NOX4: variants seen among roughly 807,000 people sequenced by gnomAD.
NOX4 encodes the protein kidney oxidase-1.
NOX4 carries 69 observed loss-of-function variants against 87.6 expected under a neutral mutation model. That is an observed-to-expected ratio of 0.79 (90% CI 0.65 to 0.96). The LOEUF is 0.96. Among genes scored for constraint, NOX4 ranks in the 40% least tolerant of loss-of-function variants. The pLI, the probability that NOX4 is intolerant of heterozygous loss-of-function variation, is 0.00. For synonymous variants in NOX4, 275 were observed against 238.2 expected (o/e 1.15, Z -1.42); for missense variants, 680 against 681.5 (o/e 1.00, Z 0.02).
intron 11 of NOX4, among the ~76,000 whole-genome samples, chr11:89,397,800 C>T (rs907573765): frequency 6.6e-6 from 1 of 151,832 alleles, no homozygotes; most frequent in Non-Finnish European, 1.5e-5. Context: ...CAATAACAGG[C>T]TCTGAAATTG....
the NOX4 span, among the ~76,000 whole-genome samples, chr11:89,537,008 G>A: frequency 6.6e-6 from 1 of 152,142 alleles, no homozygotes; most frequent in African/African-American, 2.4e-5. Flanking sequence ...ACACAAATGG[G>A]ATTATGCCCA....
chr11:89,341,508 C>T lies in NOX4; in HGVS notation c.1337+566G>A, dbSNP rs554371276. 3.7e-4 allele frequency among the ~76,000 whole-genome samples: 56 copies of T among 152,310 alleles called. 1 individual carries two copies. In the South Asian group the frequency reaches 0.012, roughly 32 times the overall value. Reference sequence around the variant, plus strand: ...AAGGAATGATGTGTTCAGTTGTCATCTCAGAAAAGCCTGACCATACTTCAA... The same window carrying T: ...AAGGAATGATGTGTTCAGTTGTCATTTCAGAAAAGCCTGACCATACTTCAA... On this transcript the variant is annotated intron_variant, in intron 14 of 17. Coordinates refer to ENST00000263317, the MANE Select transcript of NOX4 (RefSeq NM_016931.5).
chr11:89,555,416 T>C, the NOX4 span, among the ~76,000 whole-genome samples: 1 of 152,098 alleles, frequency 6.6e-6, no homozygotes, highest in Non-Finnish European at 1.5e-5. Context: ...ACCCGGGATG[T>C]TGAGGCTGCA....
chr11:89,511,630 A>G, the NOX4 span, among the ~76,000 whole-genome samples: 1 of 151,996 alleles, frequency 6.6e-6, no homozygotes, highest in Non-Finnish European at 1.5e-5. Flanking sequence ...GAAATAGTCT[A>G]TTTCCTCTTT....
intron 2 of NOX4, among the ~76,000 whole-genome samples, chr11:89,476,924 A>T (rs987490843): frequency 6.6e-6 from 1 of 152,200 alleles, no homozygotes; most frequent in Non-Finnish European, 1.5e-5. Context: ...ATACATATAC[A>T]TAAAACACCG....
the NOX4 span, among the ~76,000 whole-genome samples, chr11:89,507,946 C>T: frequency 6.6e-6 from 1 of 151,926 alleles, no homozygotes; most frequent in Non-Finnish European, 1.5e-5. Context: ...TAGCCAAATA[C>T]TCTCTCAGCT....
chr11:89,421,092 T>C (rs79859137), intron 8 of NOX4, among the ~76,000 whole-genome samples: 5,444 of 152,192 alleles, frequency 0.036, 315 homozygotes, highest in African/African-American at 0.12. Flanking sequence ...AATATAGGGA[T>C]TTCTACTTAA....
chr11:89,577,788 G>T, the NOX4 span: 5 of 151,926 alleles, frequency 3.3e-5, no homozygotes, highest in African/African-American at 9.7e-5. Flanking sequence ...ATTAATGAAA[G>T]AATTCATATG....
chr11:89,515,241 G>C, the NOX4 span, among the ~76,000 whole-genome samples: 1 of 151,934 alleles, frequency 6.6e-6, no homozygotes, highest in Non-Finnish European at 1.5e-5. Flanking sequence ...AAGTGTATGA[G>C]AGTTCCATTT....
At chr11:89,541,194 T>C in the NOX4 span, among the ~76,000 whole-genome samples, 2 of 152,208 alleles carry the variant, frequency 1.3e-5, no homozygotes, top group Non-Finnish European at 2.9e-5. Context: ...TATAGAAAGT[T>C]AGAAGAAGCA....
At chr11:89,404,884 GGTAA>G (rs1697062252) in intron 8 of NOX4, among the ~76,000 whole-genome samples, 1 of 151,934 alleles carries the variant, frequency 6.6e-6, no homozygotes, top group South Asian at 2.1e-4. Context: ...AATCATACAA[GGTAA>G]GTGTTTTTAT....
chr11:89,395,375 C>T (rs1941407780), intron 11 of NOX4, among the ~76,000 whole-genome samples: 3 of 151,862 alleles, frequency 2.0e-5, no homozygotes, highest in Admixed American at 2.0e-4. Context: ...GTAAATGTGT[C>T]TAAGTTCTTT....
chr11:89,400,072 G>C lies in NOX4; in HGVS notation c.1019C>G (p.Thr340Ser). 2 of 1,603,318 alleles carry C rather than the reference G, an allele frequency of 1.2e-6. No individual in the cohort carries two copies. The highest frequency in any genetic ancestry group is 1.7e-6 in the Non-Finnish European group (2 of 1,172,052). ...TGCAGATACACTGGGACAATGTAGA[G>C]TAATATACTAAAAAGCAACAAACAG... Reference protein sequence around the residue: ...NFKARPGQYITLHCPSVSALE... With the variant: ...NFKARPGQYISLHCPSVSALE... Residue 340 changes from threonine (T) to serine (S), a missense_variant, in exon 11 of 18, where the codon ACT becomes AGT. Coordinates refer to ENST00000263317, the MANE Select transcript of NOX4 (RefSeq NM_016931.5).
intron 5 of NOX4, among the ~76,000 whole-genome samples, 188 bp from the exon 6 acceptor site, chr11:89,440,903 A>G (rs1944426890): frequency 6.6e-6 from 1 of 152,178 alleles, no homozygotes; most frequent in African/African-American, 2.4e-5. Context: ...TACAACAAGT[A>G]AAAACCCAAT....
chr11:89,486,076 T>C (rs552849323), intron 2 of NOX4, among the ~76,000 whole-genome samples: 104 of 152,074 alleles, frequency 6.8e-4, no homozygotes, highest in Non-Finnish European at 1.2e-3. Flanking sequence ...ATTTTTTCTA[T>C]CAATTCGTAT....
chr11:89,460,156 T>C (rs1945386204), intron 2 of NOX4, among the ~76,000 whole-genome samples: 2 of 152,080 alleles, frequency 1.3e-5, no homozygotes, highest in Admixed American at 6.6e-5. Flanking sequence ...ATACAAAAAT[T>C]AATTCAAGAT....
intron 8 of NOX4, among the ~76,000 whole-genome samples, chr11:89,414,504 T>C (rs1219875642): frequency 2.6e-5 from 4 of 151,704 alleles, no homozygotes; most frequent in Non-Finnish European, 5.9e-5. Flanking sequence ...AAAATACTGA[T>C]AAGAATATCT....
chr11:89,455,095 G>A (rs985189622), intron 2 of NOX4, among the ~76,000 whole-genome samples: 1 of 152,078 alleles, frequency 6.6e-6, no homozygotes, highest in Non-Finnish European at 1.5e-5. Context: ...TGCCAGTAAA[G>A]TATGTTAGTT....
intron 7 of NOX4, among the ~76,000 whole-genome samples, chr11:89,430,931 A>C (rs1381110838): frequency 6.6e-6 from 1 of 152,220 alleles, no homozygotes; most frequent in Non-Finnish European, 1.5e-5. Context: ...AGCTGGAGGC[A>C]TCACGCTACC....
Sources: allele counts gnomAD v4.1 joint callset (sites outside exome capture counted in the v4.1 genomes callset), GRCh38; gene constraint gnomAD v4.1.1; transcripts MANE v1.5; gene names NCBI Gene and HGNC (gene_info 2026-07-23, HGNC 2026-07-21).